ENKUR: variants seen among roughly 807,000 people sequenced by gnomAD.
ENKUR encodes the protein enkurin, TRPC channel interacting protein, also known as enkurin.
In ENKUR, 19 loss-of-function variants were observed where a neutral mutation model predicts 27.6. The observed-to-expected ratio is 0.69, with a 90% confidence interval of 0.48 to 1.01. ENKUR has a LOEUF of 1.01. ENKUR is among the 50% of genes least tolerant of loss of function. The pLI, the probability that ENKUR is intolerant of heterozygous loss-of-function variation, is 0.00. For missense variants in ENKUR, 312 were observed against 310.5 expected (o/e 1.00, Z -0.04); for synonymous variants, 117 against 96.9 (o/e 1.21, Z -1.22).
At chr10:25,028,879 A>T (rs866094547) in intron 2 of ENKUR, among the ~76,000 whole-genome samples, 1 of 152,084 alleles carries the variant, frequency 6.6e-6, no homozygotes. Flanking sequence ...TCCCTTTCTC[A>T]TAGTTCTGCA....
intron 2 of ENKUR, among the ~76,000 whole-genome samples, chr10:25,042,985 A>T (rs904223077): frequency 1.3e-5 from 2 of 152,230 alleles, no homozygotes; most frequent in Admixed American, 6.5e-5. Flanking sequence ...AGGTGGTAAT[A>T]ATAGATCACT....
rs534186177 is a variant in ENKUR, at chr10:25,029,904, A to G, written c.37+31208T>C. On this transcript the variant is annotated intron_variant, in intron 2 of 5. Coordinates refer to the ENKUR transcript ENST00000615958. ...AATATTTTGATCATAGTCCTACATC[A>G]GAAGTTGGGATTGCCTTGTAGAAGG... is the stretch of plus-strand genomic sequence containing the variant. Among the ~76,000 whole-genome samples the G allele has an allele frequency of 3.7e-4, 56 of 152,368 alleles. No homozygotes were observed. The South Asian group carries it at 6.2e-3, about 17-fold the overall frequency.
At chr10:25,020,482 A>C (rs1219545362), upstream of ENKUR, among the ~76,000 whole-genome samples, 1 of 152,164 alleles carries the variant, frequency 6.6e-6, no homozygotes, top group Non-Finnish European at 1.5e-5. Context: ...TGAAAGATTT[A>C]CTGGGCCAGT....
intron 2 of ENKUR, among the ~76,000 whole-genome samples, chr10:25,032,314 AGG>A (rs60412096): frequency 7.3e-6 from 1 of 137,202 alleles, no homozygotes; most frequent in African/African-American, 2.7e-5. Context: ...AGAGTAAAGA[AGG>A]GGGGGGGGCT....
rs149906411 is a variant in ENKUR, at chr10:24,987,712, T to C, written c.594+2751A>G. The stretch of plus-strand genomic sequence containing the variant: ...TGTTACCTCCTCTGCAAGTATGTGT[T>C]CTGTAGTGGGGGAAACACCAGCCTG... On this transcript the variant is annotated intron_variant, in intron 4 of 5. Coordinates refer to ENST00000331161, the MANE Select transcript of ENKUR (RefSeq NM_145010.4). Among the ~76,000 whole-genome samples, 116 of 152,246 alleles carry C rather than the reference T, an allele frequency of 7.6e-4. 1 individual carries two copies. Among genetic ancestry groups the C allele is most frequent in the African/African-American group, 2.6e-3 (108 of 41,538 alleles).
At chr10:24,991,210 T>G (rs1404179045) in intron 3 of ENKUR, among the ~76,000 whole-genome samples, 1 of 152,036 alleles carries the variant, frequency 6.6e-6, no homozygotes, top group African/African-American at 2.4e-5. Context: ...CTTTTCTACC[T>G]TCTACGTTCT....
intron 2 of ENKUR, among the ~76,000 whole-genome samples, chr10:25,054,623 G>T (rs1361549357): frequency 6.8e-6 from 1 of 147,136 alleles, no homozygotes; most frequent in Non-Finnish European, 1.5e-5. Flanking sequence ...TCATACAGAA[G>T]GTGCTCTCTT....
intron 2 of ENKUR, chr10:25,023,968 A>T: frequency 6.2e-7 from 1 of 1,614,190 alleles, no homozygotes; most frequent in Non-Finnish European, 8.5e-7. Context: ...GGTTTCAGCA[A>T]AATTCTTTAG....
intron 2 of ENKUR, among the ~76,000 whole-genome samples, chr10:25,042,274 T>G (rs554836593): frequency 6.7e-6 from 1 of 148,628 alleles, no homozygotes; most frequent in African/African-American, 2.5e-5. Context: ...AAAGATTTTT[T>G]TTTTTTGAGT....
chr10:25,010,800 T>G (rs1223578576), intron 1 of ENKUR, among the ~76,000 whole-genome samples: 5 of 148,326 alleles, frequency 3.4e-5, no homozygotes, highest in Non-Finnish European at 1.5e-5. Flanking sequence ...CTGCATAGTA[T>G]TCCATGGTGT....
chr10:25,006,546 C>A (rs192159384), intron 1 of ENKUR, among the ~76,000 whole-genome samples: 1 of 152,252 alleles, frequency 6.6e-6, no homozygotes, highest in Admixed American at 6.5e-5. Context: ...AGCAAACGTG[C>A]ATGATTGTGA....
At chr10:24,996,974 C>G (rs1450591810) in intron 2 of ENKUR, among the ~76,000 whole-genome samples, 1 of 152,138 alleles carries the variant, frequency 6.6e-6, no homozygotes, top group Non-Finnish European at 1.5e-5. Context: ...GAAATTTGAA[C>G]ACAGACATAC....
intron 2 of ENKUR, among the ~76,000 whole-genome samples, chr10:25,047,437 C>CT (rs1851133367): frequency 6.6e-6 from 1 of 152,116 alleles, no homozygotes; most frequent in East Asian, 1.9e-4. Flanking sequence ...CAAACTTTTT[C>CT]TTTTTTTCAG....
At chr10:25,016,202 G>A (rs915763864), upstream of ENKUR, 3 of 1,168,596 alleles carry the variant, frequency 2.6e-6, no homozygotes, top group East Asian at 4.0e-5. Flanking sequence ...GGAAGTGGCA[G>A]GCAGCACCGC....
Position 25,004,711 on chromosome 10 carries a change from G to A in ENKUR, c.78-5165C>T, listed in dbSNP as rs1304370271. On this transcript the variant is annotated intron_variant, in intron 1 of 5. Transcript: ENST00000331161. ...TGCAAAAATTTTCTCCCATTCTGTAGGTTGTTTACTCTGTTGATGGTTTCT... is the reference window on the plus strand; with the variant it reads ...TGCAAAAATTTTCTCCCATTCTGTAAGTTGTTTACTCTGTTGATGGTTTCT... Among the ~76,000 whole-genome samples the A allele has an allele frequency of 2.6e-5, 4 of 152,198 alleles. No homozygotes were observed. In the East Asian group the frequency reaches 7.7e-4, roughly 29 times the overall value.
upstream of ENKUR, among the ~76,000 whole-genome samples, chr10:25,017,692 C>G (rs563989430): frequency 6.1e-5 from 9 of 147,810 alleles, no homozygotes; most frequent in African/African-American, 2.3e-4. Context: ...CTCCAGATTT[C>G]TTCACATCAG....
At chr10:24,996,545 C>T in intron 2 of ENKUR, among the ~76,000 whole-genome samples, 1 of 152,050 alleles carries the variant, frequency 6.6e-6, no homozygotes, top group Non-Finnish European at 1.5e-5. Flanking sequence ...TCAGTTTGAT[C>T]ATTCCCATTG....
intron 2 of ENKUR, among the ~76,000 whole-genome samples, chr10:25,021,471 T>G (rs1850717243): frequency 6.6e-6 from 1 of 152,152 alleles, no homozygotes; most frequent in African/African-American, 2.4e-5. Flanking sequence ...TTCTGAAAAG[T>G]TTTATATTTG....
At chr10:25,014,008 C>T (rs1316043704) in intron 1 of ENKUR, among the ~76,000 whole-genome samples, 4 of 152,016 alleles carry the variant, frequency 2.6e-5, no homozygotes, top group Non-Finnish European at 4.4e-5. Context: ...CCATCTTATG[C>T]ATCATGAGTA....
Sources: gnomAD v4.1 joint callset for allele counts (sites outside exome capture counted in the v4.1 genomes callset) on GRCh38, gnomAD v4.1.1 for gene constraint, MANE v1.5 for transcripts, NCBI Gene and HGNC (gene_info 2026-07-23, HGNC 2026-07-21) for gene names.